KHDRBS2: variants seen among roughly 807,000 people sequenced by gnomAD.
KHDRBS2 encodes KH domain-containing, RNA-binding, signal transduction-associated protein 2.
Under a neutral mutation model 44.3 loss-of-function variants are expected in KHDRBS2, and 26 were observed. The ratio of observed to expected loss-of-function variants is 0.59; its 90% CI spans 0.43 to 0.81. KHDRBS2 has a LOEUF of 0.81. KHDRBS2 is among the 40% of genes least tolerant of loss of function. The pLI, the probability that KHDRBS2 is intolerant of heterozygous loss-of-function variation, is 0.00. For missense variants in KHDRBS2, 476 were observed against 433.1 expected (o/e 1.10, Z -0.88); for synonymous variants, 194 against 151.1 (o/e 1.28, Z -2.08).
At chr6:62,044,592 T>C (rs1278083271) in intron 3 of KHDRBS2, among the ~76,000 whole-genome samples, 1 of 152,066 alleles carries the variant, frequency 6.6e-6, no homozygotes, top group Non-Finnish European at 1.5e-5. Flanking sequence ...CATTATCATG[T>C]CTTATAAAGG....
At chr6:62,050,868 T>C (rs1788865652) in intron 2 of KHDRBS2, among the ~76,000 whole-genome samples, 1 of 152,194 alleles carries the variant, frequency 6.6e-6, no homozygotes. Flanking sequence ...TTATTCACAA[T>C]CACCATTAAG....
chr6:61,594,681 A>T, the KHDRBS2 span, among the ~76,000 whole-genome samples: 1 of 152,130 alleles, frequency 6.6e-6, no homozygotes, highest in African/African-American at 2.4e-5. Flanking sequence ...AAGAGTCAAC[A>T]TTATTACTTT....
intron 2 of KHDRBS2, among the ~76,000 whole-genome samples, chr6:62,087,619 T>G (rs1798645510): frequency 6.6e-6 from 1 of 152,178 alleles, no homozygotes; most frequent in Admixed American, 6.5e-5. Context: ...CTAGTTGCCC[T>G]TAACATTTTT....
rs549007087 is a variant in KHDRBS2, at chr6:61,873,226, T to G, written c.810+21409A>C. Among the ~76,000 whole-genome samples the G allele has an allele frequency of 8.5e-4, 129 of 152,080 alleles. 1 individual carries two copies. Among genetic ancestry groups the G allele is most frequent in the Non-Finnish European group, 1.6e-3 (108 of 67,898 alleles). ...AACATCACAAAAGAGAGTGAAAAGA[T>G]AGAACCACAAATCAGTGGATGATTT... On this transcript the variant is annotated intron_variant, in intron 6 of 8. Coordinates refer to ENST00000281156, the MANE Select transcript of KHDRBS2 (RefSeq NM_152688.4).
chr6:62,088,816 C>T (rs9363792), intron 2 of KHDRBS2, among the ~76,000 whole-genome samples: 1 of 151,924 alleles, frequency 6.6e-6, no homozygotes, highest in Non-Finnish European at 1.5e-5. Flanking sequence ...GAAGCTGCGA[C>T]CGTAGCCACC....
the KHDRBS2 span, among the ~76,000 whole-genome samples, chr6:61,665,990 G>T: frequency 3.3e-5 from 5 of 150,830 alleles, no homozygotes; most frequent in South Asian, 2.1e-4. Context: ...TGTTGCTTAT[G>T]ATTTTATTAA....
At chr6:61,690,981 C>G (rs564108614) in intron 8 of KHDRBS2, among the ~76,000 whole-genome samples, 1 of 152,166 alleles carries the variant, frequency 6.6e-6, no homozygotes, top group East Asian at 1.9e-4. Context: ...TCAACCTTAG[C>G]TTACAATGGA....
At chr6:62,038,157 T>A (rs1023018722) in intron 3 of KHDRBS2, among the ~76,000 whole-genome samples, 1 of 151,976 alleles carries the variant, frequency 6.6e-6, no homozygotes, top group African/African-American at 2.4e-5. Context: ...AATCAAGTGG[T>A]CCAATCGTTG....
rs79595146 is a variant in KHDRBS2 at position 61,997,107 on chromosome 6, C to T, written c.337-18895G>A. Among the ~76,000 whole-genome samples, 249 of 152,272 alleles carry T rather than the reference C, an allele frequency of 1.6e-3. 2 individuals carry two copies. Among genetic ancestry groups the T allele is most frequent in the African/African-American group, 5.8e-3 (242 of 41,578 alleles). The stretch of plus-strand genomic sequence containing the variant: ...ATCCACACATATTTTTAAACTAAAA[C>T]ATTTCCCATTATTTGTTTTCTGTGT... On this transcript the variant is annotated intron_variant, in intron 3 of 8. Transcript: ENST00000281156.
At chr6:62,189,180 A>T (rs1278897620) in intron 1 of KHDRBS2, among the ~76,000 whole-genome samples, 1 of 152,000 alleles carries the variant, frequency 6.6e-6, no homozygotes, top group Non-Finnish European at 1.5e-5. Context: ...GAGGGAAGTC[A>T]GGTACCATGT....
At chr6:62,237,776 C>T (rs529193801) in intron 1 of KHDRBS2, among the ~76,000 whole-genome samples, 1 of 152,230 alleles carries the variant, frequency 6.6e-6, no homozygotes, top group African/African-American at 2.4e-5. Context: ...TGCAGTGGCT[C>T]ACGCCTCTAA....
At chr6:61,670,870 C>T in the KHDRBS2 span, among the ~76,000 whole-genome samples, 506 of 151,598 alleles carry the variant, frequency 3.3e-3, 25 homozygotes, top group East Asian at 0.087. Flanking sequence ...ACAATGGACA[C>T]GTATTGGTTT....
chr6:62,192,520 A>G (rs948096160), intron 1 of KHDRBS2, among the ~76,000 whole-genome samples: 1 of 152,116 alleles, frequency 6.6e-6, no homozygotes, highest in African/African-American at 2.4e-5. Context: ...CAGAAATGCT[A>G]CAAGCAGATG....
At chr6:61,853,109 C>A (rs981285778) in intron 6 of KHDRBS2, among the ~76,000 whole-genome samples, 3 of 152,126 alleles carry the variant, frequency 2.0e-5, no homozygotes, top group African/African-American at 7.2e-5. Flanking sequence ...TTGGCCTTTA[C>A]ATATTTGGCA....
At chr6:61,819,489 T>C (rs1216777169) in intron 6 of KHDRBS2, among the ~76,000 whole-genome samples, 1 of 152,014 alleles carries the variant, frequency 6.6e-6, no homozygotes, top group Non-Finnish European at 1.5e-5. Context: ...CTTAATGCTG[T>C]ATACAGATAT....
intron 1 of KHDRBS2, among the ~76,000 whole-genome samples, chr6:62,241,450 T>A (rs543934573): frequency 6.6e-6 from 1 of 152,044 alleles, no homozygotes; most frequent in East Asian, 1.9e-4. Context: ...AATAATAAAA[T>A]AAATTGATTA....
chr6:61,928,228 A>G (rs1030521521), intron 4 of KHDRBS2, among the ~76,000 whole-genome samples: 1 of 152,122 alleles, frequency 6.6e-6, no homozygotes, highest in African/African-American at 2.4e-5. Flanking sequence ...ATAATGCAAC[A>G]ATTCTTGTTG....
the KHDRBS2 span, among the ~76,000 whole-genome samples, chr6:61,636,272 T>C: frequency 6.6e-6 from 1 of 152,038 alleles, no homozygotes; most frequent in African/African-American, 2.4e-5. Context: ...CATAATTTGA[T>C]TTCTATTTAC....
intron 1 of KHDRBS2, among the ~76,000 whole-genome samples, chr6:62,222,859 G>C (rs937962133): frequency 6.6e-6 from 1 of 152,182 alleles, no homozygotes; most frequent in Non-Finnish European, 1.5e-5. Flanking sequence ...AGTTCCTATG[G>C]TCTTAGGCAG....
Sources: gnomAD v4.1 joint callset for allele counts (sites outside exome capture counted in the v4.1 genomes callset) on GRCh38, gnomAD v4.1.1 for gene constraint, MANE v1.5 for transcripts, NCBI Gene and HGNC (gene_info 2026-07-23, HGNC 2026-07-21) for gene names.